The following COL14A1 variants were observed in gnomAD, a reference collection of about 807,000 sequenced individuals.
The protein encoded by COL14A1 is collagen type XIV alpha 1 chain.
Under a neutral mutation model 230.3 loss-of-function variants are expected in COL14A1, and 136 were observed. The observed-to-expected ratio is 0.59, with a 90% CI of 0.51 to 0.68. The LOEUF is 0.68. Ranked by LOEUF, COL14A1 falls within the 30% of genes least tolerant of loss-of-function variation. COL14A1 has a pLI of 0.00. For missense variants in COL14A1, 1,976 were observed against 2,215.8 expected (o/e 0.89, Z 2.17); for synonymous variants, 792 against 784.1 (o/e 1.01, Z -0.17).
At chr8:120,284,206 G>C (rs553881078) in intron 32 of COL14A1, among the ~76,000 whole-genome samples, 12 of 152,288 alleles carry the variant, frequency 7.9e-5, no homozygotes, top group South Asian at 4.1e-4. Flanking sequence ...AAGAATTCTG[G>C]GATGGAGATG....
rs559654411 is a variant in COL14A1, at chr8:120,291,386, T to C, written c.4236+1620T>C. Among the ~76,000 whole-genome samples the C allele has an allele frequency of 8.6e-4, 131 of 151,508 alleles. 1 individual carries two copies. The highest frequency in any genetic ancestry group is 3.0e-3 in the African/African-American group (122 of 41,338). Reference sequence around the variant, plus strand: ...ACCGTCCTGTCTAACATGGTGAAACTCCGTCTCTACTAAAAATACAAAAAA... The same window carrying C: ...ACCGTCCTGTCTAACATGGTGAAACCCCGTCTCTACTAAAAATACAAAAAA... On this transcript the variant is annotated intron_variant, in intron 34 of 47. Coordinates refer to ENST00000297848, the MANE Select transcript of COL14A1 (RefSeq NM_021110.4).
intron 5 of COL14A1, 110 bp from the exon 6 acceptor site, chr8:120,196,681 G>C (rs1817049197): frequency 1.3e-5 from 14 of 1,075,534 alleles, no homozygotes; most frequent in Middle Eastern, 4.3e-4. Flanking sequence ...TGCTCCTACG[G>C]GAACTCTTTT....
chr8:120,196,304 C>T (rs780607847), intron 5 of COL14A1, among the ~76,000 whole-genome samples: 5 of 152,188 alleles, frequency 3.3e-5, no homozygotes, highest in Non-Finnish European at 5.9e-5. Context: ...GGATTAAATA[C>T]GTGGCTGTAA....
chr8:120,198,594 C>T (rs1170457798), intron 7 of COL14A1, among the ~76,000 whole-genome samples: 2 of 152,268 alleles, frequency 1.3e-5, no homozygotes, highest in African/African-American at 4.8e-5. Flanking sequence ...TGAAGCATTT[C>T]AGGTTTTGAA....
chr8:120,221,959 T>C (rs1416684969), intron 14 of COL14A1, among the ~76,000 whole-genome samples: 1 of 151,400 alleles, frequency 6.6e-6, no homozygotes, highest in Non-Finnish European at 1.5e-5. Flanking sequence ...TAACTAGAGG[T>C]TAGGAAAATA....
intron 13 of COL14A1, 52 bp from the exon 14 acceptor site, chr8:120,216,299 A>G: frequency 6.7e-7 from 1 of 1,499,768 alleles, no homozygotes; most frequent in Non-Finnish European, 9.1e-7. Context: ...ATTTCTTTTT[A>G]CATGTATGTA....
At chr8:120,194,401 C>A (rs1488953031) in intron 5 of COL14A1, among the ~76,000 whole-genome samples, 1 of 152,044 alleles carries the variant, frequency 6.6e-6, no homozygotes, top group Non-Finnish European at 1.5e-5. Flanking sequence ...CCCAAGCCCC[C>A]CCTTACCCCC....
Position 120,298,422 on chromosome 8 carries a change from A to G in COL14A1, c.4314+834A>G, listed in dbSNP as rs1335651607. Among the ~76,000 whole-genome samples, 12 of 151,260 alleles carry G rather than the reference A, an allele frequency of 7.9e-5. No individual in the cohort carries two copies. In the Admixed American group the frequency reaches 7.9e-4, roughly 10 times the overall value. The stretch of plus-strand genomic sequence containing the variant: ...AACCTATATGTGATGCTACTAGAAA[A>G]CTAAACATTTAAAAGTTATTTATAC... On this transcript the variant is annotated intron_variant, in intron 35 of 47. Transcript: ENST00000297848.
intron 5 of COL14A1, among the ~76,000 whole-genome samples, chr8:120,169,859 A>C (rs1419853471): frequency 6.6e-6 from 1 of 152,070 alleles, no homozygotes; most frequent in South Asian, 2.1e-4. Flanking sequence ...TGTCATAGAC[A>C]TGTTTGTCCA....
At chr8:120,256,055 A>C (rs746967696) in intron 23 of COL14A1, among the ~76,000 whole-genome samples, 1 of 152,208 alleles carries the variant, frequency 6.6e-6, no homozygotes, top group Non-Finnish European at 1.5e-5. Flanking sequence ...TATGCAGAAG[A>C]TGAAATCAAA....
chr8:120,272,524 C>T (rs187112941), intron 26 of COL14A1, among the ~76,000 whole-genome samples: 83 of 151,558 alleles, frequency 5.5e-4, no homozygotes, highest in Non-Finnish European at 1.1e-3. Context: ...AATCACAAAC[C>T]AAATATCTGC....
chr8:120,156,218 G>A (rs1815474145), intron 2 of COL14A1, among the ~76,000 whole-genome samples: 1 of 150,446 alleles, frequency 6.6e-6, no homozygotes, highest in South Asian at 2.1e-4. Flanking sequence ...CGTCCAGGCT[G>A]GAGTGCAGTA....
At chr8:120,291,841 A>G (rs1820386289) in intron 34 of COL14A1, among the ~76,000 whole-genome samples, 1 of 152,018 alleles carries the variant, frequency 6.6e-6, no homozygotes. Context: ...TCTTTCATAT[A>G]TCTACATTTC....
intron 45 of COL14A1, among the ~76,000 whole-genome samples, chr8:120,346,265 A>C (rs1022201967): frequency 2.4e-4 from 37 of 152,348 alleles, no homozygotes; most frequent in African/African-American, 8.4e-4. Context: ...GTGTAATACA[A>C]TAATAAGACT....
chr8:120,166,103 G>A (rs994851286), intron 4 of COL14A1, among the ~76,000 whole-genome samples: 1 of 152,152 alleles, frequency 6.6e-6, no homozygotes, highest in Admixed American at 6.5e-5. Context: ...GAAGTAGAAG[G>A]TAGAAATAGA....
intron 38 of COL14A1, among the ~76,000 whole-genome samples, chr8:120,314,271 G>C (rs1271908867): frequency 6.6e-6 from 1 of 152,178 alleles, no homozygotes; most frequent in Non-Finnish European, 1.5e-5. Flanking sequence ...TGTGTCTATA[G>C]AGGAAGAACA....
intron 1 of COL14A1, among the ~76,000 whole-genome samples, chr8:120,127,277 CCTT>C (rs1814374739): frequency 6.6e-6 from 1 of 152,232 alleles, no homozygotes; most frequent in Non-Finnish European, 1.5e-5. Context: ...TCCATCCTCT[CCTT>C]CTCCCTGGGG....
At position 120,297,540 on chromosome 8, in the gene COL14A1, C is replaced by T; in HGVS notation, c.4266C>T (p.Cys1422=). Residue 1422 remains cysteine (C), a synonymous_variant, in exon 35 of 48, where the codon TGC becomes TGT. Coordinates refer to ENST00000297848, the MANE Select transcript of COL14A1 (RefSeq NM_021110.4). ...PFQLQMFDIV[C]STSWANTDKC... ...AGTTACAGATGTTTGATATTGTTTG[C>T]TCCACATCATGGGCCAATACAGACA... The T allele has an allele frequency of 6.8e-7, 1 of 1,464,488 alleles. No individual in the cohort carries two copies. The highest frequency in any genetic ancestry group is 9.0e-7 in the Non-Finnish European group (1 of 1,109,978). 90.7% of individuals were successfully genotyped at this position (1,464,488 alleles called of 1,614,324 possible).
At chr8:120,193,459 G>C (rs548977100) in intron 5 of COL14A1, among the ~76,000 whole-genome samples, 27 of 152,304 alleles carry the variant, frequency 1.8e-4, no homozygotes, top group African/African-American at 6.3e-4. Context: ...TGCCCCTACT[G>C]GGCGGTGCCT....
Sources: allele counts gnomAD v4.1 joint callset (sites outside exome capture counted in the v4.1 genomes callset), GRCh38; gene constraint gnomAD v4.1.1; transcripts MANE v1.5; gene names NCBI Gene and HGNC (gene_info 2026-07-23, HGNC 2026-07-21).